Variants in CELF4 observed in about 807,000 individuals in gnomAD.
The protein encoded by CELF4 is CUGBP Elav-like family member 4.
CELF4 carries 18 observed loss-of-function variants against 59.9 expected under a neutral mutation model. The observed-to-expected ratio is 0.30, with a 90% CI of 0.21 to 0.45. The LOEUF (loss-of-function observed/expected upper bound fraction) is 0.45, where lower values mean the gene tolerates loss of function less well. Ranked by LOEUF, CELF4 falls within the 20% of genes least tolerant of loss-of-function variation. The probability of loss-of-function intolerance (pLI) is 1.00; values close to 1 mark genes in which losing one functional copy is unlikely to be tolerated. For missense variants in CELF4, 456 were observed against 689.0 expected, an observed-to-expected ratio of 0.66 and a Z score of 3.79; for synonymous variants, 261 against 267.1, an observed-to-expected ratio of 0.98 and a Z score of 0.22.
intron 2 of CELF4, among the ~76,000 whole-genome samples, chr18:37,390,729 C>A (rs1348192509): frequency 3.0e-5 from 4 of 134,866 alleles, no homozygotes; most frequent in Non-Finnish European, 4.6e-5. Context: ...AAGAGCCAAG[C>A]ATGGGTGGCA....
rs968265313 is a variant in CELF4, at chr18:37,246,031, T to TA, written c.*45-835dup. Among the ~76,000 whole-genome samples, 41 of 152,258 alleles carry TA rather than the reference T, an allele frequency of 2.7e-4. No homozygotes were observed. The highest frequency in any genetic ancestry group is 1.9e-3 in the South Asian group (9 of 4,820). On this transcript the variant is annotated intron_variant, in intron 12 of 12. Coordinates refer to ENST00000420428, the MANE Select transcript of CELF4 (RefSeq NM_020180.4). This position sits in a 1 kb window ranked among gnomAD's most constrained non-coding sequence, Gnocchi z 5.3. ...GGCTTTTTGGTGTTTTGTTTTGCTT[T>TA]AAAAAAATCATGATCTGACTAGAAT... is the stretch of plus-strand genomic sequence containing the variant.
intron 2 of CELF4, among the ~76,000 whole-genome samples, chr18:37,476,393 T>A (rs2099849119): frequency 6.6e-6 from 1 of 152,180 alleles, no homozygotes; most frequent in South Asian, 2.1e-4. Context: ...CGCCCCCTGG[T>A]GGGCTCATGG....
chr18:37,276,076 C>T (rs937916547), intron 3 of CELF4: 2 of 152,262 alleles, frequency 1.3e-5, no homozygotes, highest in Non-Finnish European at 2.9e-5. Flanking sequence ...GATGCGCCCT[C>T]CTCGGTCTGG....
intron 2 of CELF4, among the ~76,000 whole-genome samples, chr18:37,485,125 C>A (rs1201939894): frequency 1.3e-5 from 2 of 152,168 alleles, no homozygotes; most frequent in Non-Finnish European, 2.9e-5. Context: ...TTAAATAAAC[C>A]GCGGTGATCT....
intron 2 of CELF4, among the ~76,000 whole-genome samples, chr18:37,379,334 C>G (rs1279878419): frequency 6.6e-6 from 1 of 151,768 alleles, no homozygotes; most frequent in Admixed American, 6.6e-5. Flanking sequence ...GGGCTGCCAT[C>G]CTAAAAGGGA....
chr18:37,370,759 T>C (rs2098850189), intron 2 of CELF4, among the ~76,000 whole-genome samples: 1 of 152,234 alleles, frequency 6.6e-6, no homozygotes. Flanking sequence ...AGCTTCACAA[T>C]GCTGGCTCTG....
chr18:37,289,794 C>T (rs977434926), intron 3 of CELF4, among the ~76,000 whole-genome samples: 3 of 152,146 alleles, frequency 2.0e-5, no homozygotes, highest in Non-Finnish European at 2.9e-5. Context: ...GAGGCTGGAC[C>T]GGGTATCTCT....
chr18:37,565,514 G>A lies in CELF4; in HGVS notation c.128C>T (p.Pro43Leu). Residue 43 changes from proline to leucine, a missense_variant, in exon 1 of 13, where the codon CCG becomes CTG. Coordinates refer to ENST00000420428, the MANE Select transcript of CELF4 (RefSeq NM_020180.4). ...GTGGTCCTTCATGGGAATGGTCGAC[G>A]GGTTCCCCGGGCTGTGGCTTAATCC... Reference protein sequence around the residue: ...MNGLSHSPGNPSTIPMKDHDA... With the variant: ...MNGLSHSPGNLSTIPMKDHDA... 1 of 1,614,154 alleles carries A rather than the reference G, an allele frequency of 6.2e-7. No individual in the cohort carries two copies. Among genetic ancestry groups the A allele is most frequent in the South Asian group, 1.1e-5 (1 of 91,082 alleles).
chr18:37,383,937 T>C (rs548564805), intron 2 of CELF4, among the ~76,000 whole-genome samples: 1 of 151,996 alleles, frequency 6.6e-6, no homozygotes, highest in East Asian at 1.9e-4. Flanking sequence ...CTGTGGGTTG[T>C]GGCGGTGAGG....
At chr18:37,279,371 T>G (rs1035599687) in intron 3 of CELF4, among the ~76,000 whole-genome samples, 10 of 152,192 alleles carry the variant, frequency 6.6e-5, no homozygotes, top group Admixed American at 2.0e-4. Context: ...AGGCTGGCAT[T>G]AGGAGCCCAG....
At chr18:37,261,753 G>A (rs552428379) in intron 10 of CELF4, among the ~76,000 whole-genome samples, 4 of 152,232 alleles carry the variant, frequency 2.6e-5, no homozygotes, top group African/African-American at 9.6e-5. Flanking sequence ...ATCCCTGAGG[G>A]CAACCTCATC....
At chr18:37,415,845 A>G (rs540483914) in intron 2 of CELF4, among the ~76,000 whole-genome samples, 22 of 152,346 alleles carry the variant, frequency 1.4e-4, no homozygotes, top group African/African-American at 4.6e-4. Context: ...CCCTGGACAG[A>G]ACACATTCAT....
intron 3 of CELF4, among the ~76,000 whole-genome samples, chr18:37,286,183 T>G (rs1477125090): frequency 6.6e-6 from 1 of 152,052 alleles, no homozygotes; most frequent in Admixed American, 6.6e-5. Context: ...GGAATGGTGT[T>G]AAAAGCTTCT....
At chr18:37,559,272 A>C (rs2099985820) in intron 1 of CELF4, among the ~76,000 whole-genome samples, 1 of 152,032 alleles carries the variant, frequency 6.6e-6, no homozygotes, top group Admixed American at 6.5e-5. Context: ...TCTCCATGCC[A>C]CTTGCATCTG....
chr18:37,369,410 G>C (rs910468599), intron 2 of CELF4, among the ~76,000 whole-genome samples: 5 of 152,172 alleles, frequency 3.3e-5, no homozygotes, highest in Non-Finnish European at 5.9e-5. Context: ...CCTATGAGTG[G>C]CTCTGGGGAC....
At chr18:37,303,877 T>A (rs1183961340) in intron 3 of CELF4, among the ~76,000 whole-genome samples, 4 of 152,186 alleles carry the variant, frequency 2.6e-5, no homozygotes, top group African/African-American at 7.2e-5. Flanking sequence ...TCTGTGGCCC[T>A]CCTGGCCGTA....
chr18:37,457,718 G>C (rs1194144848), intron 2 of CELF4, among the ~76,000 whole-genome samples: 3 of 152,222 alleles, frequency 2.0e-5, no homozygotes, highest in African/African-American at 7.2e-5. Context: ...GGTGCCCACT[G>C]GCCTGTTCCA....
chr18:37,344,929 C>G (rs926241519), intron 2 of CELF4, among the ~76,000 whole-genome samples: 4 of 152,186 alleles, frequency 2.6e-5, no homozygotes, highest in Non-Finnish European at 5.9e-5. Context: ...GGGGAGTGTG[C>G]CCTCCCTGAT....
At chr18:37,482,415 TCAAAAA>T (rs2099870394) in intron 2 of CELF4, among the ~76,000 whole-genome samples, 2 of 152,174 alleles carry the variant, frequency 1.3e-5, no homozygotes. Flanking sequence ...AAGGCAGTGC[TCAAAAA>T]GACCCAGATG....
Sources: gnomAD v4.1 joint callset for allele counts (sites outside exome capture counted in the v4.1 genomes callset) on GRCh38, gnomAD v4.1.1 for gene constraint, Gnocchi (gnomAD v3.1) non-coding constraint, MANE v1.5 for transcripts, NCBI Gene and HGNC (gene_info 2026-07-23, HGNC 2026-07-21) for gene names.